Variants in ME3 observed in about 807,000 individuals in gnomAD.
The protein encoded by ME3 is malic enzyme 3.
In ME3, 48 loss-of-function variants were observed where a neutral mutation model predicts 68.9. That is an observed-to-expected ratio of 0.70 (90% CI 0.55 to 0.89). The LOEUF is 0.89. Ranked by LOEUF, ME3 falls within the 40% of genes least tolerant of loss-of-function variation. The pLI is 0.00. For missense variants in ME3, 675 were observed against 797.4 expected (o/e 0.85, Z 1.85); for synonymous variants, 320 against 318.8 (o/e 1.00, Z -0.04).
At chr11:86,509,756 CAAAA>C (rs5793200) in intron 4 of ME3, among the ~76,000 whole-genome samples, 7 of 102,470 alleles carry the variant, frequency 6.8e-5, no homozygotes, top group African/African-American at 1.1e-4. Context: ...GGGGGATTGG[CAAAA>C]AAAAAAAAAA....
chr11:86,654,044 A>G lies in ME3; in HGVS notation c.183+17718T>C, dbSNP rs551857191. Among the ~76,000 whole-genome samples the G allele has an allele frequency of 4.6e-5, 7 of 152,346 alleles. No homozygotes were observed. In the South Asian group the frequency reaches 1.4e-3, roughly 32 times the overall value. ...ACATACACCCTCCCAAGACTAAACC[A>G]GGAAGAATTTGAATCTCTGAATAGA... On this transcript the variant is annotated intron_variant, in intron 2 of 14. Transcript: ENST00000543262.
chr11:86,672,275 C>G (rs1947006079), intron 1 of ME3, 49 bp downstream of exon 1: 1 of 272,830 alleles, frequency 3.7e-6, no homozygotes. Context: ...TCCCCGTACC[C>G]CTAATCCCGC....
chr11:86,499,991 T>G (rs1256177933), intron 5 of ME3, among the ~76,000 whole-genome samples: 9 of 152,238 alleles, frequency 5.9e-5, no homozygotes, highest in Non-Finnish European at 1.5e-5. Context: ...GCAGGGTTCC[T>G]GGTTCAGGGC....
Position 86,578,489 on chromosome 11 carries a change from G to A in ME3, c.184-18666C>T, listed in dbSNP as rs374040543. 4.9e-4 allele frequency among the ~76,000 whole-genome samples: 74 copies of A among 152,220 alleles called. No homozygotes were observed. In the South Asian group the frequency reaches 0.015, roughly 30 times the overall value. On this transcript the variant is annotated intron_variant, in intron 2 of 14. Coordinates refer to ENST00000543262, the Ensembl canonical transcript of ME3. ...TCCTGGTGCGTGCGAATAAGTGGGC[G>A]GGGTGCCAGAACTGGACACGAGACA...
At chr11:86,497,732 G>A (rs1206377656) in intron 6 of ME3, among the ~76,000 whole-genome samples, 2 of 152,198 alleles carry the variant, frequency 1.3e-5, no homozygotes, top group African/African-American at 2.4e-5. Flanking sequence ...GGAGGTAGAG[G>A]AGCAAGGGGG....
intron 2 of ME3, among the ~76,000 whole-genome samples, chr11:86,627,092 C>A (rs1421232740): frequency 6.6e-6 from 1 of 152,210 alleles, no homozygotes; most frequent in African/African-American, 2.4e-5. Flanking sequence ...CACTTAAGAA[C>A]TGCTGTGGTC....
chr11:86,617,197 T>C (rs1000149041), intron 2 of ME3, among the ~76,000 whole-genome samples: 4 of 149,752 alleles, frequency 2.7e-5, no homozygotes, highest in Admixed American at 1.3e-4. Context: ...GTTCATCTAG[T>C]ATATACATAA....
At chr11:86,670,845 T>C (rs1176998068) in intron 2 of ME3, among the ~76,000 whole-genome samples, 1 of 152,220 alleles carries the variant, frequency 6.6e-6, no homozygotes, top group Admixed American at 6.5e-5. Context: ...TTCATTTTAT[T>C]GTCACAATAA....
chr11:86,446,743 G>A (rs2138601855), intron 12 of ME3: 1 of 596,816 alleles, frequency 1.7e-6, no homozygotes, highest in East Asian at 2.8e-5. Context: ...CCTCCTGGTG[G>A]GGCCAACCCA....
At chr11:86,653,810 GT>G (rs1424307254) in intron 2 of ME3, among the ~76,000 whole-genome samples, 2 of 152,086 alleles carry the variant, frequency 1.3e-5, no homozygotes, top group East Asian at 1.9e-4. Context: ...TCCAGGAGCT[GT>G]TTTTTTGAAA....
chr11:86,543,944 TAAC>T (rs1251842108), intron 4 of ME3, among the ~76,000 whole-genome samples: 1 of 148,926 alleles, frequency 6.7e-6, no homozygotes, highest in Non-Finnish European at 1.5e-5. Flanking sequence ...ATGGAAATCA[TAAC>T]AAACAGTCTC....
chr11:86,509,814 G>A (rs1953385610), intron 4 of ME3, among the ~76,000 whole-genome samples: 1 of 147,548 alleles, frequency 6.8e-6, no homozygotes, highest in Non-Finnish European at 1.5e-5. Context: ...AGAGATTTAA[G>A]TTGTTGCTGA....
At chr11:86,471,134 CCCAGAGCTTTTTTTTTTTTT>C (rs1340802158) in intron 7 of ME3, among the ~76,000 whole-genome samples, 1 of 145,246 alleles carries the variant, frequency 6.9e-6, no homozygotes, top group Admixed American at 7.0e-5. Context: ...AACTGTAAGG[CCCAGAGCTTTTTTTTTTTTT>C]TTTTTTTTTT....
At chr11:86,637,639 G>T (rs930829404) in intron 2 of ME3, among the ~76,000 whole-genome samples, 1 of 152,278 alleles carries the variant, frequency 6.6e-6, no homozygotes, top group East Asian at 1.9e-4. Context: ...GACACCCCTC[G>T]AGAAGGGCCT....
Position 86,465,311 on chromosome 11 carries a change from G to C in ME3, c.810-111C>G. The C allele has an allele frequency of 3.8e-6, 3 of 782,564 alleles. No homozygotes were observed. In the South Asian group the frequency reaches 4.3e-5, roughly 11 times the overall value. The allele number at this position is 782,564 out of a possible 1,614,324, so 48.5% of individuals were successfully genotyped here. ...GGTGCAGGCCTGGGGGTGGGAGGTG[G>C]CATGGCTCCTTCATCTGTGTTTTTG... On this transcript the variant is annotated intron_variant, in intron 7 of 14. Coordinates refer to ENST00000543262, the Ensembl canonical transcript of ME3.
intron 4 of ME3, among the ~76,000 whole-genome samples, chr11:86,537,057 A>G (rs1228409209): frequency 6.8e-6 from 1 of 148,112 alleles, no homozygotes. Flanking sequence ...AACACCGCAT[A>G]TTCTCACTCA....
At chr11:86,619,291 G>A (rs903398944) in intron 2 of ME3, among the ~76,000 whole-genome samples, 4 of 152,216 alleles carry the variant, frequency 2.6e-5, no homozygotes. Flanking sequence ...ATGCAATCTT[G>A]TTGGTGAAAA....
intron 2 of ME3, among the ~76,000 whole-genome samples, chr11:86,571,655 C>T (rs931066497): frequency 6.6e-6 from 1 of 152,232 alleles, no homozygotes; most frequent in Admixed American, 6.5e-5. Context: ...TCACTCCCAG[C>T]CTGGCCTAAT....
intron 4 of ME3, among the ~76,000 whole-genome samples, chr11:86,526,033 G>A (rs1189610562): frequency 1.3e-5 from 2 of 152,314 alleles, no homozygotes; most frequent in Admixed American, 6.5e-5. Flanking sequence ...AGGACAGTGG[G>A]TGCAGCGCAC....
Sources: gnomAD v4.1 joint callset for allele counts (sites outside exome capture counted in the v4.1 genomes callset) on GRCh38, gnomAD v4.1.1 for gene constraint, MANE v1.5 for transcripts, NCBI Gene and HGNC (gene_info 2026-07-23, HGNC 2026-07-21) for gene names.